The following SYNE1 variants were observed in gnomAD, a reference collection of about 807,000 sequenced individuals.
SYNE1 encodes spectrin repeat containing nuclear envelope protein 1, also known as nesprin-1.
In SYNE1, 616 loss-of-function variants were observed where a neutral mutation model predicts 1,111.0. That is an observed-to-expected ratio of 0.55 (90% confidence interval 0.52 to 0.59). The LOEUF is 0.59. SYNE1 is among the 20% of genes least tolerant of loss of function. The pLI is 0.00. For missense variants in SYNE1, 10,006 were observed against 10,417.0 expected, an observed-to-expected ratio of 0.96 and a Z score of 1.72; for synonymous variants, 3,855 against 3,825.8, an observed-to-expected ratio of 1.01 and a Z score of -0.28.
chr6:152,363,433 G>A (rs990827625), intron 63 of SYNE1, among the ~76,000 whole-genome samples: 4 of 150,776 alleles, frequency 2.7e-5, no homozygotes, highest in African/African-American at 7.3e-5. Flanking sequence ...GGCGGAGCTC[G>A]CAGTGAGCCG....
At chr6:152,576,652 A>G (rs1395810261) in intron 3 of SYNE1, among the ~76,000 whole-genome samples, 1 of 152,208 alleles carries the variant, frequency 6.6e-6, no homozygotes, top group Non-Finnish European at 1.5e-5. Flanking sequence ...ATTTTCAGTC[A>G]CAGCAGGTAT....
chr6:152,365,003 TTGAC>T lies in SYNE1; in HGVS notation c.9985_9988del (p.Val3329AsnfsTer8), dbSNP rs758851746. The T allele has an allele frequency of 1.9e-6, 3 of 1,614,140 alleles. No individual in the cohort carries two copies. The highest frequency in any genetic ancestry group is 2.5e-6 in the Non-Finnish European group (3 of 1,180,048). ...TTTCATCTGAATCTCTTTTTCCTGT[TTGAC>T]TGATAATAGAGCCTGTGAAAACACA... is the stretch of plus-strand genomic sequence containing the variant. On this transcript the variant is annotated frameshift_variant, in exon 63 of 146. Coordinates refer to ENST00000367255, the MANE Select transcript of SYNE1 (RefSeq NM_182961.4). LOFTEE classifies it high-confidence loss of function.
Position 152,201,876 on chromosome 6 carries a change from T to C in SYNE1, c.23093A>G (p.Gln7698Arg), listed in dbSNP as rs1452755990. ...CTCTTCATGGTGATCCGGGAGAGAC[T>C]GCGAAAGCTTCTTTTTGAAAGTTCG... is the stretch of plus-strand genomic sequence containing the variant. ...KLRTFKKKLS[Q>R]SLPDHHEELH... The change falls in exon 127 of 146, where the codon CAG becomes CGG. Residue 7698 changes from glutamine to arginine, a missense_variant. Around this residue, in one of 7 missense-constraint regions of SYNE1, gnomAD observed 2,182 missense variants for 2,287.8 expected, o/e 0.95. Coordinates refer to ENST00000367255, the MANE Select transcript of SYNE1 (RefSeq NM_182961.4). 5.0e-6 allele frequency: 8 copies of C among 1,613,856 alleles called. No homozygotes were observed. The Admixed American group carries it at 6.7e-5, about 13-fold the overall frequency.
intron 42 of SYNE1, among the ~76,000 whole-genome samples, chr6:152,411,403 G>A (rs2098036918): frequency 6.6e-6 from 1 of 151,936 alleles, no homozygotes; most frequent in Non-Finnish European, 1.5e-5. Context: ...AATTCTTTTT[G>A]AAAACTGTAC....
chr6:152,176,092 G>A (rs771524494), intron 130 of SYNE1, among the ~76,000 whole-genome samples: 2 of 151,462 alleles, frequency 1.3e-5, no homozygotes, highest in Admixed American at 6.6e-5. Flanking sequence ...CCTGATAGGA[G>A]TTTGAATACC....
At chr6:152,192,990 T>A (rs2072987874) in intron 127 of SYNE1, among the ~76,000 whole-genome samples, 1 of 152,168 alleles carries the variant, frequency 6.6e-6, no homozygotes. Context: ...AGGCAACAGA[T>A]CATTGGGTCT....
chr6:152,366,237 C>G (rs2097075672), intron 62 of SYNE1, among the ~76,000 whole-genome samples: 1 of 152,124 alleles, frequency 6.6e-6, no homozygotes, highest in Non-Finnish European at 1.5e-5. Flanking sequence ...GAGGCTGAGG[C>G]AGGAGAATCG....
Position 152,301,882 on chromosome 6 carries a change from G to A in SYNE1, c.17528C>T (p.Pro5843Leu), listed in dbSNP as rs1430713628. 2 of 1,613,564 alleles carry A rather than the reference G, an allele frequency of 1.2e-6. No homozygotes were observed. The highest frequency in any genetic ancestry group is 1.7e-6 in the Non-Finnish European group (2 of 1,179,624). ...GELLPTPSAH[P>L]SVVMMTAGRC... ...CTGGATCCTTACCATGACCACAGAGGGGTGGGCCGAAGGCGTGGGGAGGAG... is the reference window on the plus strand; with the variant it reads ...CTGGATCCTTACCATGACCACAGAGAGGTGGGCCGAAGGCGTGGGGAGGAG... The change falls in exon 92 of 146, where the codon CCC (proline) becomes CTC (leucine). Residue 5843 changes from proline to leucine, a missense_variant. By Grantham distance (98) the Pro-to-Leu change is moderately conservative (BLOSUM62 -3). This residue lies in a region of SYNE1 where 4,955 missense variants were observed against 5,017.2 expected (regional missense o/e 0.99). Transcript: ENST00000367255.
chr6:152,325,152 C>A lies in SYNE1; in HGVS notation c.15589G>T (p.Ala5197Ser). Residue 5197 changes from alanine to serine, a missense_variant, in exon 81 of 146, where the codon GCT (alanine) becomes TCT (serine). Physicochemically the swap from Ala to Ser is moderately conservative, Grantham distance 99. Around this residue, in one of 7 missense-constraint regions of SYNE1, gnomAD observed 4,955 missense variants for 5,017.2 expected, o/e 0.99. Transcript: ENST00000367255. ...TVWQRWTRLR[A>S]VAQDQEKILE... ...ATCTTCTCCTGGTCCTGGGCCACAG[C>A]TCGAAGGCGTGTCCAGCGCTGCCAG... 1 of 1,614,224 alleles carries A rather than the reference C, an allele frequency of 6.2e-7. No individual in the cohort carries two copies. The highest frequency in any genetic ancestry group is 8.5e-7 in the Non-Finnish European group (1 of 1,180,044).
At chr6:152,587,725 C>T (rs1461672754) in intron 3 of SYNE1, among the ~76,000 whole-genome samples, 20 of 152,302 alleles carry the variant, frequency 1.3e-4, no homozygotes, top group Non-Finnish European at 1.3e-4. Flanking sequence ...ACACCTCTCT[C>T]TGATGTGTAA....
At chr6:152,188,727 G>A (rs2071006297) in intron 128 of SYNE1, among the ~76,000 whole-genome samples, 1 of 151,690 alleles carries the variant, frequency 6.6e-6, no homozygotes, top group African/African-American at 2.4e-5. Context: ...GGGAGGGCGA[G>A]GCGGACAAAT....
intron 3 of SYNE1, among the ~76,000 whole-genome samples, chr6:152,626,155 A>G (rs2099685247): frequency 6.6e-6 from 1 of 152,184 alleles, no homozygotes; most frequent in African/African-American, 2.4e-5. Flanking sequence ...CCCTAACCCA[A>G]TTATCTTAAT....
chr6:152,395,406 C>G lies in SYNE1; in HGVS notation c.7712+110G>C, dbSNP rs527385400. Reference sequence around the variant, plus strand: ...TCCAGACATTCAAGGACAGCACAAACCACTACCCACAAACCAACTAACTAA... The same window carrying G: ...TCCAGACATTCAAGGACAGCACAAAGCACTACCCACAAACCAACTAACTAA... On this transcript the variant is annotated intron_variant, in intron 51 of 145. Transcript: ENST00000367255. 41 of 1,147,404 alleles carry G rather than the reference C, an allele frequency of 3.6e-5. No individual in the cohort carries two copies. The African/African-American group carries it at 4.6e-4, about 13-fold the overall frequency. 71.1% of individuals were successfully genotyped at this position (1,147,404 alleles called of 1,614,324 possible).
chr6:152,338,352 T>C (rs1486274582), intron 75 of SYNE1, among the ~76,000 whole-genome samples: 2 of 152,166 alleles, frequency 1.3e-5, no homozygotes, highest in African/African-American at 2.4e-5. Flanking sequence ...CCAGGCGTGG[T>C]GGCTCATGCC....
At chr6:152,277,282 T>G (rs1447634171) in intron 98 of SYNE1, among the ~76,000 whole-genome samples, 1 of 130,296 alleles carries the variant, frequency 7.7e-6, no homozygotes, top group Non-Finnish European at 1.7e-5. Context: ...TTTTTTTTTT[T>G]TTTTTTTTGT....
intron 119 of SYNE1, among the ~76,000 whole-genome samples, chr6:152,220,057 C>T (rs1203918015): frequency 1.3e-5 from 2 of 152,140 alleles, no homozygotes; most frequent in Non-Finnish European, 2.9e-5. Flanking sequence ...CTTGTACACA[C>T]AAATTATGTG....
chr6:152,355,276 G>A (rs1191084559), intron 66 of SYNE1, among the ~76,000 whole-genome samples: 1 of 152,082 alleles, frequency 6.6e-6, no homozygotes, highest in Non-Finnish European at 1.5e-5. Context: ...TGTGAATAAA[G>A]GGCTATTGTT....
rs1250163044 is a variant in SYNE1, at chr6:152,211,616, C to A, written c.22495-28G>T. 5 of 1,578,518 alleles carry A rather than the reference C, an allele frequency of 3.2e-6. No individual in the cohort carries two copies. The African/African-American group carries it at 5.4e-5, about 17-fold the overall frequency. ...ATAATTTAAAAAAAAGAAGAACATACTTTAGAGTTCCTAATTTTAGTGATC... is the reference window on the plus strand; with the variant it reads ...ATAATTTAAAAAAAAGAAGAACATAATTTAGAGTTCCTAATTTTAGTGATC... On this transcript the variant is annotated intron_variant, in intron 123 of 145. Transcript: ENST00000367255.
Position 152,208,019 on chromosome 6 carries a change from C to A in SYNE1, c.22777G>T (p.Val7593Phe), listed in dbSNP as rs2076839550. ...SYLPMSGLGS[V>F]PIPLQQARTL... ...CTTGCTTGTTGCAGTGGTATAGGAA[C>A]ACTTCCGAGACCACTCATGGGGAGG... is the stretch of plus-strand genomic sequence containing the variant. Residue 7593 changes from valine to phenylalanine, a missense_variant, in exon 125 of 146, where the codon GTT (valine) becomes TTT (phenylalanine). Physicochemically the swap from Val to Phe is conservative, Grantham distance 50. Coordinates refer to ENST00000367255, the MANE Select transcript of SYNE1 (RefSeq NM_182961.4). 1.2e-6 allele frequency: 2 copies of A among 1,614,186 alleles called. No homozygotes were observed. Among genetic ancestry groups the A allele is most frequent in the South Asian group, 2.2e-5 (2 of 91,082 alleles).
Sources: gnomAD v4.1 joint callset for allele counts (sites outside exome capture counted in the v4.1 genomes callset) on GRCh38, gnomAD v4.1.1 for gene constraint, gnomAD v4.1.1 regional missense constraint, MANE v1.5 for transcripts, NCBI Gene and HGNC (gene_info 2026-07-23, HGNC 2026-07-21) for gene names.